Variants in CTNND2 observed in about 807,000 individuals in gnomAD.
CTNND2 encodes catenin delta-2.
A neutral mutation model predicts 144.4 loss-of-function variants in CTNND2; 22 were observed. The ratio of observed to expected loss-of-function variants is 0.15; its 90% CI spans 0.11 to 0.22. The LOEUF (loss-of-function observed/expected upper bound fraction) is 0.22. Ranked by LOEUF, CTNND2 falls within the 10% of genes least tolerant of loss-of-function variation. The pLI is 1.00. For synonymous variants in CTNND2, 751 were observed against 695.6 expected (o/e 1.08, Z -1.25); for missense variants, 1,353 against 1,618.8 (o/e 0.84, Z 2.82).
intron 3 of CTNND2, among the ~76,000 whole-genome samples, chr5:11,481,908 G>T (rs540209020): frequency 9.5e-4 from 145 of 152,222 alleles, no homozygotes; most frequent in African/African-American, 3.4e-3. Flanking sequence ...GCCCCAGAAG[G>T]CCCCATTTGA....
intron 1 of CTNND2, among the ~76,000 whole-genome samples, chr5:11,857,758 A>T (rs1240389629): frequency 2.0e-5 from 3 of 152,216 alleles, no homozygotes; most frequent in Non-Finnish European, 4.4e-5. Context: ...TATCTTCTCT[A>T]TAAGGGAAAT....
intron 16 of CTNND2, among the ~76,000 whole-genome samples, chr5:11,037,846 A>G (rs1239049136): frequency 6.6e-6 from 1 of 152,230 alleles, no homozygotes; most frequent in Non-Finnish European, 1.5e-5. Flanking sequence ...GCTAATAACT[A>G]TAATAGTCCT....
chr5:11,586,784 T>C (rs1461579052), intron 2 of CTNND2, among the ~76,000 whole-genome samples: 1 of 152,224 alleles, frequency 6.6e-6, no homozygotes, highest in Admixed American at 6.5e-5. Flanking sequence ...ATACAATTTA[T>C]GAGTAAAACA....
chr5:11,078,553 A>G (rs1749192645), intron 16 of CTNND2, among the ~76,000 whole-genome samples: 1 of 152,204 alleles, frequency 6.6e-6, no homozygotes. Context: ...CTTTTGAGAA[A>G]GAAGAGATGC....
At chr5:11,711,862 A>C (rs1786052139) in intron 2 of CTNND2, among the ~76,000 whole-genome samples, 1 of 152,166 alleles carries the variant, frequency 6.6e-6, no homozygotes, top group Admixed American at 6.6e-5. Context: ...TGGGCATGGG[A>C]ATTGTATATG....
chr5:11,550,480 G>A (rs947475150), intron 3 of CTNND2, among the ~76,000 whole-genome samples: 13 of 152,202 alleles, frequency 8.5e-5, no homozygotes, highest in Non-Finnish European at 1.6e-4. Flanking sequence ...GTTAAATTTC[G>A]AGGAAAGTTG....
chr5:11,565,161 A>G, intron 2 of CTNND2, 105 bp from the exon 3 acceptor site: 1 of 778,152 alleles, frequency 1.3e-6, no homozygotes, highest in Non-Finnish European at 2.2e-6. Flanking sequence ...ATTTTCCAAG[A>G]TGTCAAATTT....
intron 2 of CTNND2, among the ~76,000 whole-genome samples, chr5:11,600,038 T>C (rs1295718754): frequency 6.6e-6 from 1 of 152,188 alleles, no homozygotes; most frequent in Admixed American, 6.5e-5. Flanking sequence ...AAAGCAAAAC[T>C]ATAAATATGG....
chr5:11,283,753 C>G (rs530543753), intron 9 of CTNND2, among the ~76,000 whole-genome samples: 16 of 135,740 alleles, frequency 1.2e-4, no homozygotes, highest in South Asian at 2.5e-4. Context: ...AATGAAGAAG[C>G]TAATTTAAAC....
intron 1 of CTNND2, among the ~76,000 whole-genome samples, chr5:11,853,966 A>G (rs1247234851): frequency 6.6e-6 from 1 of 152,196 alleles, no homozygotes; most frequent in African/African-American, 2.4e-5. Context: ...CAGGTTCATC[A>G]GACTGATCCA....
intron 8 of CTNND2, among the ~76,000 whole-genome samples, chr5:11,363,046 T>C (rs1474712042): frequency 1.3e-5 from 2 of 152,216 alleles, no homozygotes; most frequent in Admixed American, 6.5e-5. Context: ...TCTTTTGATT[T>C]TTCCCCCCAA....
At chr5:11,786,701 A>G (rs1186181169) in intron 1 of CTNND2, among the ~76,000 whole-genome samples, 1 of 150,404 alleles carries the variant, frequency 6.6e-6, no homozygotes, top group African/African-American at 2.5e-5. Flanking sequence ...TTTCCTGAAG[A>G]TCCCTCTCCT....
At chr5:11,104,031 G>A (rs972786799) in intron 14 of CTNND2, among the ~76,000 whole-genome samples, 4 of 152,148 alleles carry the variant, frequency 2.6e-5, no homozygotes, top group East Asian at 1.9e-4. Context: ...TACAGTCTCC[G>A]CCAATCAAGT....
At chr5:11,388,059 C>T (rs1042313133) in intron 6 of CTNND2, among the ~76,000 whole-genome samples, 3 of 152,114 alleles carry the variant, frequency 2.0e-5, no homozygotes, top group African/African-American at 2.4e-5. Context: ...TGACAAGCTA[C>T]GGCAACCAAT....
At chr5:11,851,068 G>A in intron 1 of CTNND2, among the ~76,000 whole-genome samples, 1 of 152,114 alleles carries the variant, frequency 6.6e-6, no homozygotes, top group East Asian at 1.9e-4. Context: ...TTCTCCTCAA[G>A]ACTACAACAT....
intron 2 of CTNND2, among the ~76,000 whole-genome samples, chr5:11,630,305 A>T (rs1165429801): frequency 1.3e-5 from 2 of 152,160 alleles, no homozygotes; most frequent in African/African-American, 4.8e-5. Context: ...GTCTCTAATA[A>T]TGCACACCAG....
chr5:11,049,826 G>A (rs1266892235), intron 16 of CTNND2, among the ~76,000 whole-genome samples: 1 of 152,090 alleles, frequency 6.6e-6, no homozygotes. Flanking sequence ...ATACCTCCTG[G>A]GAGTTAGTAG....
intron 3 of CTNND2, among the ~76,000 whole-genome samples, chr5:11,503,544 A>G (rs1411375615): frequency 6.6e-6 from 1 of 152,248 alleles, no homozygotes; most frequent in African/African-American, 2.4e-5. Context: ...CAATTAATCA[A>G]TCAATGCATC....
At chr5:11,889,083 G>A (rs1435239704) in intron 1 of CTNND2, among the ~76,000 whole-genome samples, 2 of 151,948 alleles carry the variant, frequency 1.3e-5, no homozygotes, top group East Asian at 1.9e-4. Flanking sequence ...ACCTTTTCAC[G>A]GCATGTACCA....
Sources: allele counts gnomAD v4.1 joint callset (sites outside exome capture counted in the v4.1 genomes callset), GRCh38; gene constraint gnomAD v4.1.1; transcripts MANE v1.5; gene names NCBI Gene and HGNC (gene_info 2026-07-23, HGNC 2026-07-21).